RBFOX1: variants seen among roughly 807,000 people sequenced by gnomAD.
RBFOX1 encodes the protein RNA binding fox-1 homolog 1.
A neutral mutation model predicts 57.7 loss-of-function variants in RBFOX1; 8 were observed. The ratio of observed to expected loss-of-function variants is 0.14; its 90% CI spans 0.08 to 0.25. RBFOX1 has a LOEUF of 0.25. Ranked by LOEUF, RBFOX1 falls within the 10% of genes least tolerant of loss-of-function variation. RBFOX1 has a pLI of 1.00. For synonymous variants in RBFOX1, 326 were observed against 222.4 expected, an observed-to-expected ratio of 1.47 and a Z score of -4.15; for missense variants, 611 against 548.5, an observed-to-expected ratio of 1.11 and a Z score of -1.14.
intron 3 of RBFOX1, among the ~76,000 whole-genome samples, chr16:6,954,267 G>A (rs534056410): frequency 6.6e-6 from 1 of 152,212 alleles, no homozygotes; most frequent in Admixed American, 6.5e-5. Flanking sequence ...TCAGGGTAGC[G>A]ATTCTGGTCA....
intron 3 of RBFOX1, among the ~76,000 whole-genome samples, chr16:6,866,258 C>G (rs975283583): frequency 3.3e-5 from 5 of 151,932 alleles, no homozygotes; most frequent in African/African-American, 7.3e-5. Context: ...AAACTACTTT[C>G]CTACCACTTT....
chr16:5,997,987 C>A (rs1289272649), intron 4 of RBFOX1, among the ~76,000 whole-genome samples: 1 of 152,152 alleles, frequency 6.6e-6, no homozygotes, highest in African/African-American at 2.4e-5. Flanking sequence ...AAAGCCGTAA[C>A]ATTGGAGTTA....
Position 6,968,296 on chromosome 16 carries a change from A to T in RBFOX1, c.-15-83761A>T, listed in dbSNP as rs146134650. Among the ~76,000 whole-genome samples, 863 of 152,352 alleles carry T rather than the reference A, an allele frequency of 5.7e-3. 9 individuals carry two copies. The highest frequency in any genetic ancestry group is 0.034 in the Middle Eastern group (10 of 294). ...CTTGGAGAGAGGATATTTGAAAAGC[A>T]GCCTGGTGAAATTAGCAGCGATGGA... On this transcript the variant is annotated intron_variant, in intron 3 of 15. Transcript: ENST00000550418.
intron 3 of RBFOX1, among the ~76,000 whole-genome samples, chr16:6,810,840 C>T (rs1420904958): frequency 1.3e-5 from 2 of 152,058 alleles, no homozygotes; most frequent in East Asian, 1.9e-4. Context: ...CGGGAAAGGT[C>T]GCCATGATCC....
intron 4 of RBFOX1, among the ~76,000 whole-genome samples, chr16:7,449,466 G>T (rs2098834132): frequency 6.6e-6 from 1 of 152,086 alleles, no homozygotes; most frequent in South Asian, 2.1e-4. Flanking sequence ...TTATCATCCA[G>T]GTTTCACTAA....
intron 3 of RBFOX1, among the ~76,000 whole-genome samples, chr16:6,830,100 G>T (rs966250802): frequency 6.7e-6 from 1 of 149,804 alleles, no homozygotes; most frequent in African/African-American, 2.5e-5. Context: ...TATTTTTAAT[G>T]GAGACAAGGT....
At chr16:5,256,958 G>C (rs1365660784) in intron 1 of RBFOX1, among the ~76,000 whole-genome samples, 1 of 151,370 alleles carries the variant, frequency 6.6e-6, no homozygotes, top group Non-Finnish European at 1.5e-5. Flanking sequence ...AAAAAGCAAA[G>C]TTAACACTTC....
chr16:6,833,014 C>T (rs2092820439), intron 3 of RBFOX1, among the ~76,000 whole-genome samples: 1 of 152,078 alleles, frequency 6.6e-6, no homozygotes, highest in Non-Finnish European at 1.5e-5. Context: ...TCTAACTCAG[C>T]ACTAGTCCTA....
intron 2 of RBFOX1, among the ~76,000 whole-genome samples, chr16:5,515,945 G>A (rs1292713011): frequency 2.6e-5 from 4 of 152,142 alleles, no homozygotes; most frequent in South Asian, 2.1e-4. Context: ...ATGAAGAAAC[G>A]GAGGCCCAGA....
chr16:5,801,018 C>T (rs1044677970), intron 3 of RBFOX1, among the ~76,000 whole-genome samples: 4 of 152,248 alleles, frequency 2.6e-5, no homozygotes, highest in South Asian at 2.1e-4. Flanking sequence ...GGATCTTCTA[C>T]CCCAGGAGCC....
intron 2 of RBFOX1, among the ~76,000 whole-genome samples, chr16:6,408,069 G>T (rs568913178): frequency 7.9e-5 from 12 of 152,194 alleles, no homozygotes; most frequent in African/African-American, 2.6e-4. Context: ...CACACAGAAG[G>T]CACCATCTAT....
chr16:5,984,976 A>ATATTT (rs1359064334), intron 4 of RBFOX1, among the ~76,000 whole-genome samples: 2 of 55,714 alleles, frequency 3.6e-5, no homozygotes, highest in African/African-American at 8.7e-5. Flanking sequence ...ATATATATAT[A>ATATTT]TTTTTTTTTT....
chr16:5,907,710 A>G (rs1162075686), intron 4 of RBFOX1, among the ~76,000 whole-genome samples: 2 of 145,606 alleles, frequency 1.4e-5, no homozygotes, highest in African/African-American at 5.3e-5. Flanking sequence ...CGCGAACTCA[A>G]GGAGACTATT....
At chr16:6,760,070 A>T (rs957519006) in intron 3 of RBFOX1, among the ~76,000 whole-genome samples, 1 of 152,154 alleles carries the variant, frequency 6.6e-6, no homozygotes, top group Non-Finnish European at 1.5e-5. Context: ...TGGCTCGGGG[A>T]GTCCAAACTC....
chr16:6,909,416 A>C (rs2070967916), intron 3 of RBFOX1, among the ~76,000 whole-genome samples: 2 of 152,204 alleles, frequency 1.3e-5, no homozygotes, highest in Non-Finnish European at 2.9e-5. Flanking sequence ...TACATCTGCC[A>C]AGGTTCTTTT....
At chr16:5,723,794 C>T (rs1368840786) in intron 3 of RBFOX1, among the ~76,000 whole-genome samples, 1 of 152,214 alleles carries the variant, frequency 6.6e-6, no homozygotes, top group Non-Finnish European at 1.5e-5. Flanking sequence ...ATGGAGAAAG[C>T]AGTGGAGGTC....
chr16:6,544,547 C>G (rs1886658752), intron 2 of RBFOX1, among the ~76,000 whole-genome samples: 1 of 152,128 alleles, frequency 6.6e-6, no homozygotes, highest in Non-Finnish European at 1.5e-5. Flanking sequence ...ATATGCAACT[C>G]TTGGTATTGT....
At chr16:5,770,972 A>T (rs2053958642) in intron 3 of RBFOX1, among the ~76,000 whole-genome samples, 1 of 152,192 alleles carries the variant, frequency 6.6e-6, no homozygotes, top group African/African-American at 2.4e-5. Flanking sequence ...GTCTCTGGCC[A>T]CGACCCTTTT....
intron 1 of RBFOX1, among the ~76,000 whole-genome samples, chr16:6,021,286 A>G (rs1007287152): frequency 6.6e-6 from 1 of 152,064 alleles, no homozygotes; most frequent in South Asian, 2.1e-4. Flanking sequence ...CCAGCCTGCC[A>G]TCCCTTCCCT....
Sources: gnomAD v4.1 joint callset for allele counts (sites outside exome capture counted in the v4.1 genomes callset) on GRCh38, gnomAD v4.1.1 for gene constraint, MANE v1.5 for transcripts, NCBI Gene and HGNC (gene_info 2026-07-23, HGNC 2026-07-21) for gene names.